Variants in CELSR1 observed in about 807,000 individuals in gnomAD.
The protein encoded by CELSR1 is cadherin EGF LAG seven-pass G-type receptor 1, also known as adhesion G protein-coupled receptor C1.
CELSR1 carries 110 observed loss-of-function variants against 249.1 expected under a neutral mutation model. The observed-to-expected ratio is 0.44, with a 90% CI of 0.38 to 0.52. The LOEUF (loss-of-function observed/expected upper bound fraction) is 0.52, where lower values mean the gene tolerates loss of function less well. Among genes scored for constraint, CELSR1 ranks in the 20% least tolerant of loss-of-function variants. CELSR1 has a pLI of 0.00. For missense variants in CELSR1, 4,109 were observed against 4,296.4 expected (o/e 0.96, Z 1.22); for synonymous variants, 2,113 against 1,900.0 (o/e 1.11, Z -2.92).
chr22:46,464,451 G>A lies in CELSR1; in HGVS notation c.3545-106C>T, dbSNP rs1035327297. The A allele has an allele frequency of 1.6e-6, 2 of 1,224,178 alleles. No homozygotes were observed. The highest frequency in any genetic ancestry group is 2.3e-6 in the Non-Finnish European group (2 of 885,942). The allele number at this position is 1,224,178 out of a possible 1,614,324, so 75.8% of individuals were successfully genotyped here. On this transcript the variant is annotated intron_variant, in intron 1 of 34. Coordinates refer to ENST00000674500, the MANE Select transcript of CELSR1 (RefSeq NM_001378328.1). This position sits in a 1 kb window ranked among gnomAD's most constrained non-coding sequence, Gnocchi z 8.5. ...CAGGCATGCTTGGCAAAGGAGAAGA[G>A]AGCCTGGGCATCCCCACTCCCCATT...
intron 1 of CELSR1, among the ~76,000 whole-genome samples, chr22:46,532,232 T>C (rs909368963): frequency 2.1e-4 from 32 of 152,340 alleles, no homozygotes; most frequent in African/African-American, 7.7e-4. Flanking sequence ...AAATTTCCCA[T>C]TGTGCTTTAT....
chr22:46,441,448 C>T lies in CELSR1; in HGVS notation c.4184-2037G>A, dbSNP rs1179629154. Among the ~76,000 whole-genome samples, 3 of 152,122 alleles carry T rather than the reference C, an allele frequency of 2.0e-5. No individual in the cohort carries two copies. The highest frequency in any genetic ancestry group is 3.9e-4 in the East Asian group (2 of 5,184). On this transcript the variant is annotated intron_variant, in intron 2 of 34. Transcript: ENST00000674500. This position sits in a 1 kb window ranked among gnomAD's most constrained non-coding sequence, Gnocchi z 6.1. The stretch of plus-strand genomic sequence containing the variant: ...AACTCAAACAGACAGAATGAAAACA[C>T]ACTTACGACGCCTCAGTCTGCTTGG...
chr22:46,513,680 C>T (rs1482478169), intron 1 of CELSR1, among the ~76,000 whole-genome samples: 5 of 152,150 alleles, frequency 3.3e-5, no homozygotes, highest in Admixed American at 1.3e-4. Flanking sequence ...CTGTTTACTC[C>T]GTCACTACAT....
rs7286446 is a variant in CELSR1 at position 46,395,987 on chromosome 22, C to T, written c.5843+618G>A. On this transcript the variant is annotated intron_variant, in intron 13 of 34. Coordinates refer to ENST00000674500, the MANE Select transcript of CELSR1 (RefSeq NM_001378328.1). The surrounding 1 kb of genome is among the most constrained non-coding windows in gnomAD (Gnocchi z 5.5). ...CGACAGAGAAAGCATTCTCTGTAAA[C>T]CACATGCGTCTCCCTGCATCTCATG... is the stretch of plus-strand genomic sequence containing the variant. 0.19 allele frequency among the ~76,000 whole-genome samples: 28,790 copies of T among 152,156 alleles called. 3,331 individuals are homozygous for T. Among genetic ancestry groups the T allele is most frequent in the African/African-American group, 0.33 (13,712 of 41,472 alleles).
chr22:46,371,866 A>AATCCATCC (rs71719588), intron 25 of CELSR1, among the ~76,000 whole-genome samples: 283 of 127,138 alleles, frequency 2.2e-3, no homozygotes, highest in African/African-American at 8.7e-3. Context: ...TCACTTATCC[A>AATCCATCC]ATCCATCCAT....
chr22:46,502,307 AG>A (rs925784959), intron 1 of CELSR1, among the ~76,000 whole-genome samples: 1 of 75,322 alleles, frequency 1.3e-5, no homozygotes, highest in African/African-American at 5.4e-5. Flanking sequence ...TGGGGAGGGG[AG>A]GAAGAGGGGA....
rs375182862 is a variant in CELSR1, at chr22:46,406,974, C to T, written c.5226+2022G>A. On this transcript the variant is annotated intron_variant, in intron 9 of 34. Transcript: ENST00000674500. The surrounding 1 kb of genome is among the most constrained non-coding windows in gnomAD (Gnocchi z 5.4). Reference sequence around the variant, plus strand: ...CGGAGGACACGCAGCCCAGACGCCGCTTTGGGAGGGACTTCCTGACCGCAG... The same window carrying T: ...CGGAGGACACGCAGCCCAGACGCCGTTTTGGGAGGGACTTCCTGACCGCAG... Among the ~76,000 whole-genome samples, 6 of 152,348 alleles carry T rather than the reference C, an allele frequency of 3.9e-5. No homozygotes were observed. The highest frequency in any genetic ancestry group is 1.4e-4 in the African/African-American group (6 of 41,586).
chr22:46,378,071 C>T (rs1220122892), intron 23 of CELSR1, among the ~76,000 whole-genome samples: 1 of 116 alleles, frequency 8.6e-3, no homozygotes, highest in Non-Finnish European at 0.015. Context: ...AATTCATCTG[C>T]AGCCCACAAT....
intron 1 of CELSR1, among the ~76,000 whole-genome samples, chr22:46,474,466 C>T (rs147139540): frequency 6.3e-4 from 96 of 152,288 alleles, no homozygotes; most frequent in Non-Finnish European, 1.1e-3. Flanking sequence ...CCACCCCAAC[C>T]CTGCCCCAGT....
At position 46,488,076 on chromosome 22, in the gene CELSR1, T is replaced by C. The variant is rs1341530504; in HGVS notation, c.3545-23731A>G. Among the ~76,000 whole-genome samples, 1 of 146,114 alleles carries C rather than the reference T, an allele frequency of 6.8e-6. No individual in the cohort carries two copies. The highest frequency in any genetic ancestry group is 2.1e-4 in the East Asian group (1 of 4,856). On this transcript the variant is annotated intron_variant, in intron 1 of 34. Transcript: ENST00000674500. This position sits in a 1 kb window ranked among gnomAD's most constrained non-coding sequence, Gnocchi z 4.7. ...AGCTGACAGGGGCGTGAGGGAGGGG[T>C]GTCAAGTACCAGTGGAGGCACGGGG... is the stretch of plus-strand genomic sequence containing the variant.
intron 5 of CELSR1, among the ~76,000 whole-genome samples, chr22:46,416,124 GAGAC>G (rs2079398810): frequency 6.6e-6 from 1 of 150,560 alleles, no homozygotes; most frequent in East Asian, 1.9e-4. Context: ...GATAAGGAAT[GAGAC>G]AGACGAACCG....
rs1045851114 is a variant in CELSR1, at chr22:46,512,227, A to G, written c.3544+21400T>C. Among the ~76,000 whole-genome samples, 6 of 151,820 alleles carry G rather than the reference A, an allele frequency of 4.0e-5. No individual in the cohort carries two copies. Among genetic ancestry groups the G allele is most frequent in the African/African-American group, 1.5e-4 (6 of 41,084 alleles). ...CTAGGGGCAGGTGTCCCGGATTTGC[A>G]GAGGAGGACCAAGAAGCACTCAGGG... is the stretch of plus-strand genomic sequence containing the variant. On this transcript the variant is annotated intron_variant, in intron 1 of 34. Coordinates refer to ENST00000674500, the MANE Select transcript of CELSR1 (RefSeq NM_001378328.1). This position sits in a 1 kb window ranked among gnomAD's most constrained non-coding sequence, Gnocchi z 5.2.
At chr22:46,460,440 TGGATGGGGAGGA>T (rs1284051413) in intron 2 of CELSR1, among the ~76,000 whole-genome samples, 1 of 150,970 alleles carries the variant, frequency 6.6e-6, no homozygotes, top group Non-Finnish European at 1.5e-5. Flanking sequence ...GATGGGCAGA[TGGATGGGGAGGA>T]GACACATTTC....
chr22:46,364,550 G>C lies in CELSR1; in HGVS notation c.8741C>G (p.Ala2914Gly), dbSNP rs1386416169. The change falls in exon 33 of 35, where the codon GCC becomes GGC. Residue 2914 changes from alanine (A) to glycine (G), a missense_variant. Ala to Gly is a moderately conservative substitution (Grantham distance 60). This residue lies in a region of CELSR1 where 1,805 missense variants were observed against 1,831.6 expected (regional missense o/e 0.99). Coordinates refer to ENST00000674500, the MANE Select transcript of CELSR1 (RefSeq NM_001378328.1). ...TGGGGGCTGGCTGCTAGCAAGCCTG[G>C]CTGCGCCCCCGCTCTCCTGGTCCGG... ...YPPDQESGGA[A>G]RLASSQPPEQ... is the part of the protein sequence containing the mutation. The C allele has an allele frequency of 6.2e-7, 1 of 1,611,866 alleles. No homozygotes were observed. Among genetic ancestry groups the C allele is most frequent in the Non-Finnish European group, 8.5e-7 (1 of 1,179,796 alleles).
intron 2 of CELSR1, among the ~76,000 whole-genome samples, 160 bp from the exon 3 acceptor site, chr22:46,439,571 C>T (rs534441416): frequency 6.6e-6 from 1 of 152,274 alleles, no homozygotes; most frequent in Admixed American, 6.5e-5. Flanking sequence ...AACAGAAACC[C>T]CTGAGTTCTC....
At chr22:46,439,993 T>G (rs1313198453) in intron 2 of CELSR1, among the ~76,000 whole-genome samples, 1 of 151,602 alleles carries the variant, frequency 6.6e-6, no homozygotes, top group Non-Finnish European at 1.5e-5. Context: ...CCGGTTCTAA[T>G]CTGGCCCGTC....
Position 46,457,084 on chromosome 22 carries a change from G to A in CELSR1, c.4183+6623C>T, listed in dbSNP as rs372710402. On this transcript the variant is annotated intron_variant, in intron 2 of 34. Coordinates refer to ENST00000674500, the MANE Select transcript of CELSR1 (RefSeq NM_001378328.1). ...CTCCCGAAGTCCACGTGGCGTGGACGTACAGGGCCCACAGCACTTTGGGAG... is the reference window on the plus strand; with the variant it reads ...CTCCCGAAGTCCACGTGGCGTGGACATACAGGGCCCACAGCACTTTGGGAG... Among the ~76,000 whole-genome samples, 36 of 152,266 alleles carry A rather than the reference G, an allele frequency of 2.4e-4. No homozygotes were observed. The South Asian group carries it at 6.4e-3, about 27-fold the overall frequency.
intron 2 of CELSR1, among the ~76,000 whole-genome samples, chr22:46,450,748 C>T (rs2079874112): frequency 6.6e-6 from 1 of 152,174 alleles, no homozygotes; most frequent in Non-Finnish European, 1.5e-5. Context: ...CTCAGCACCC[C>T]ATTCCAAACC....
At position 46,445,513 on chromosome 22, in the gene CELSR1, A is replaced by C. The variant is rs773511105; in HGVS notation, c.4184-6102T>G. On this transcript the variant is annotated intron_variant, in intron 2 of 34. Coordinates refer to ENST00000674500, the MANE Select transcript of CELSR1 (RefSeq NM_001378328.1). This position sits in a 1 kb window ranked among gnomAD's most constrained non-coding sequence, Gnocchi z 4.4. Reference sequence around the variant, plus strand: ...GTCTCTAAAAAAATGAATAAAAAATAAAGACACCAGTCATTGGATTTAGGG... The same window carrying C: ...GTCTCTAAAAAAATGAATAAAAAATCAAGACACCAGTCATTGGATTTAGGG... 2.0e-5 allele frequency among the ~76,000 whole-genome samples: 3 copies of C among 152,128 alleles called. No individual in the cohort carries two copies. The highest frequency in any genetic ancestry group is 2.9e-5 in the Non-Finnish European group (2 of 68,024).
Sources: allele counts gnomAD v4.1 joint callset (sites outside exome capture counted in the v4.1 genomes callset), GRCh38; gene constraint gnomAD v4.1.1; regional missense constraint gnomAD v4.1.1; non-coding constraint Gnocchi (gnomAD v3.1); transcripts MANE v1.5; gene names NCBI Gene and HGNC (gene_info 2026-07-23, HGNC 2026-07-21).